The following AFDN variants were observed in gnomAD, a reference collection of about 807,000 sequenced individuals.
AFDN encodes afadin, adherens junction formation factor.
A neutral mutation model predicts 216.6 loss-of-function variants in AFDN; 68 were observed. The ratio of observed to expected loss-of-function variants is 0.31; its 90% confidence interval spans 0.26 to 0.38. The LOEUF is 0.38. Among genes scored for constraint, AFDN ranks in the 10% least tolerant of loss-of-function variants. The pLI is 1.00. For missense variants in AFDN, 2,136 were observed against 2,342.0 expected, an observed-to-expected ratio of 0.91 and a Z score of 1.82; for synonymous variants, 868 against 853.7, an observed-to-expected ratio of 1.02 and a Z score of -0.29.
At chr6:167,956,576 G>C (rs892209493) in intron 30 of AFDN, among the ~76,000 whole-genome samples, 1 of 152,160 alleles carries the variant, frequency 6.6e-6, no homozygotes, top group Admixed American at 6.5e-5. Flanking sequence ...ATATCCACCT[G>C]CCCATGTAAC....
chr6:167,852,160 G>A (rs938194881), intron 1 of AFDN, among the ~76,000 whole-genome samples: 1 of 152,032 alleles, frequency 6.6e-6, no homozygotes, highest in African/African-American at 2.4e-5. Context: ...AAATTAGCCA[G>A]AATTCTTTGT....
chr6:167,868,525 T>C (rs549098450), intron 2 of AFDN, among the ~76,000 whole-genome samples: 3 of 152,352 alleles, frequency 2.0e-5, no homozygotes, highest in African/African-American at 4.8e-5. Context: ...TTCTTGACTT[T>C]CTGTGTGACT....
chr6:167,887,741 A>T (rs1180945741), intron 6 of AFDN, among the ~76,000 whole-genome samples: 1 of 152,176 alleles, frequency 6.6e-6, no homozygotes, highest in Non-Finnish European at 1.5e-5. Context: ...TACAGGCATG[A>T]GCCACTGTGC....
chr6:167,872,178 T>G (rs775459538), intron 3 of AFDN, 36 bp from the exon 4 acceptor site: 1 of 1,586,672 alleles, frequency 6.3e-7, no homozygotes, highest in South Asian at 1.2e-5. Flanking sequence ...TGATTCTGCA[T>G]AGTAGTCAAT....
intron 1 of AFDN, among the ~76,000 whole-genome samples, chr6:167,833,331 T>A (rs1262956067): frequency 6.6e-6 from 1 of 152,184 alleles, no homozygotes; most frequent in African/African-American, 2.4e-5. Context: ...TGCCTTTGAT[T>A]TTCAGAATAG....
intron 23 of AFDN, among the ~76,000 whole-genome samples, chr6:167,941,980 AT>A (rs1348583629): frequency 2.0e-5 from 3 of 152,262 alleles, no homozygotes; most frequent in Non-Finnish European, 4.4e-5. Flanking sequence ...GCTTTGTTAA[AT>A]TAAGAAATAC....
chr6:167,828,820 C>CT (rs1779514646), intron 1 of AFDN, among the ~76,000 whole-genome samples: 1 of 111,366 alleles, frequency 9.0e-6, no homozygotes, highest in African/African-American at 3.4e-5. Context: ...GGAAAGGAAT[C>CT]TTTTTTCGGT....
At chr6:167,888,447 G>C (rs1266104461) in intron 6 of AFDN, among the ~76,000 whole-genome samples, 1 of 152,122 alleles carries the variant, frequency 6.6e-6, no homozygotes, top group Non-Finnish European at 1.5e-5. Flanking sequence ...TCCTGTTTTG[G>C]TTCATGTTAG....
intron 23 of AFDN, among the ~76,000 whole-genome samples, chr6:167,927,835 G>A (rs1414649513): frequency 6.6e-6 from 1 of 152,176 alleles, no homozygotes; most frequent in Non-Finnish European, 1.5e-5. Flanking sequence ...ATTTGGAGAT[G>A]TAAAAGGGGA....
intron 13 of AFDN, 119 bp downstream of exon 13, chr6:167,907,408 A>G: frequency 1.3e-6 from 1 of 748,090 alleles, no homozygotes; most frequent in South Asian, 1.8e-5. Flanking sequence ...GTTAGCAATA[A>G]TATTTTAAGG....
intron 23 of AFDN, among the ~76,000 whole-genome samples, chr6:167,928,647 T>G (rs1792876503): frequency 6.6e-6 from 1 of 152,216 alleles, no homozygotes; most frequent in African/African-American, 2.4e-5. Flanking sequence ...CGACTGTGCC[T>G]GAGTCCAGGG....
chr6:167,867,340 G>A (rs1784290935), intron 2 of AFDN, among the ~76,000 whole-genome samples: 1 of 151,512 alleles, frequency 6.6e-6, no homozygotes, highest in Non-Finnish European at 1.5e-5. Context: ...ATTTTCAGTT[G>A]ATAAAATAAT....
chr6:167,938,284 C>T (rs369787944), intron 23 of AFDN, among the ~76,000 whole-genome samples: 3 of 152,080 alleles, frequency 2.0e-5, no homozygotes, highest in African/African-American at 7.2e-5. Flanking sequence ...AGGTGAGGGG[C>T]GATTTGGGTG....
chr6:167,923,163 C>A, intron 22 of AFDN: 3 of 458,724 alleles, frequency 6.5e-6, no homozygotes, highest in Non-Finnish European at 1.1e-5. Flanking sequence ...ACAGTTTTGT[C>A]TGTAAGCAGT....
Position 167,941,013 on chromosome 6 carries a change from G to A in AFDN, c.3100-2116G>A, listed in dbSNP as rs1475511003. ...GAGAGATGTGTGGACAGACACAGAG[G>A]GATGTAGGGATGAGGGTGGAAACCA... On this transcript the variant is annotated intron_variant, in intron 23 of 33. Transcript: ENST00000683244. 3.8e-3 allele frequency among the ~76,000 whole-genome samples: 9 copies of A among 2,362 alleles called. 1 individual carries two copies. The highest frequency in any genetic ancestry group is 5.2e-3 in the Admixed American group (2 of 386). 1.5% of individuals were successfully genotyped at this position (2,362 alleles called of 152,430 possible).
At chr6:167,863,108 T>G (rs1279071253) in intron 1 of AFDN, among the ~76,000 whole-genome samples, 1 of 152,208 alleles carries the variant, frequency 6.6e-6, no homozygotes, top group Non-Finnish European at 1.5e-5. Flanking sequence ...CTTGAAAACC[T>G]GAAATATGAC....
In AFDN at chr6:167,890,972, G is replaced by A. The variant is rs1787493604; in HGVS notation, c.1120G>A (p.Gly374Ser). ...PKGKERADGS[G>S]YGSTLPPEKL... ...GGGAAAGGAGAGAGCTGACGGGTCT[G>A]GCTATGGCTCCACCCTTCCTCCGGA... The change falls in exon 8 of 34, where the codon GGC (glycine) becomes AGC (serine). Residue 374 changes from glycine to serine, a missense_variant. This residue lies in a region of AFDN where 817 missense variants were observed against 965.7 expected (regional missense o/e 0.85). Transcript: ENST00000683244. 1 of 1,613,976 alleles carries A rather than the reference G, an allele frequency of 6.2e-7. No individual in the cohort carries two copies.
chr6:167,895,455 G>A (rs375300272), intron 9 of AFDN, among the ~76,000 whole-genome samples: 9 of 152,164 alleles, frequency 5.9e-5, no homozygotes, highest in African/African-American at 1.4e-4. Context: ...GTTTCAACAC[G>A]ATGTGAAGCA....
intron 1 of AFDN, among the ~76,000 whole-genome samples, chr6:167,857,612 G>C (rs1410902719): frequency 1.3e-5 from 2 of 151,862 alleles, no homozygotes; most frequent in Admixed American, 1.3e-4. Context: ...GATTACATTT[G>C]TATTTCCAAT....
Sources: gnomAD v4.1 joint callset for allele counts (sites outside exome capture counted in the v4.1 genomes callset) on GRCh38, gnomAD v4.1.1 for gene constraint, gnomAD v4.1.1 regional missense constraint, MANE v1.5 for transcripts, NCBI Gene and HGNC (gene_info 2026-07-23, HGNC 2026-07-21) for gene names.